The following ADCY2 variants were observed in gnomAD, a reference collection of about 807,000 sequenced individuals.
ADCY2 encodes adenylate cyclase 2.
In ADCY2, 31 loss-of-function variants were observed where a neutral mutation model predicts 125.2. The observed-to-expected ratio is 0.25, with a 90% CI of 0.19 to 0.33. The LOEUF (loss-of-function observed/expected upper bound fraction) is 0.33, where lower values mean the gene tolerates loss of function less well. Among genes scored for constraint, ADCY2 ranks in the 10% least tolerant of loss-of-function variants. ADCY2 has a pLI of 1.00. For synonymous variants in ADCY2, 512 were observed against 548.4 expected (o/e 0.93, Z 0.93); for missense variants, 904 against 1,418.2 (o/e 0.64, Z 5.82).
At chr5:7,710,159 G>A (rs1454829349) in intron 10 of ADCY2, among the ~76,000 whole-genome samples, 20 of 152,102 alleles carry the variant, frequency 1.3e-4, no homozygotes, top group Admixed American at 1.2e-3. Context: ...TTTTTCAGTC[G>A]CCCTGGGCCC....
At chr5:7,729,342 C>A (rs1218069356) in intron 14 of ADCY2, among the ~76,000 whole-genome samples, 1 of 152,118 alleles carries the variant, frequency 6.6e-6, no homozygotes, top group East Asian at 1.9e-4. Context: ...ATACAATTTT[C>A]CACCCTCTAG....
intron 11 of ADCY2, among the ~76,000 whole-genome samples, chr5:7,716,318 G>A (rs1334458438): frequency 6.6e-6 from 1 of 152,094 alleles, no homozygotes; most frequent in African/African-American, 2.4e-5. Context: ...AGTTGACCAA[G>A]GAAAACACGA....
At chr5:7,542,131 G>A (rs1007726619) in intron 3 of ADCY2, among the ~76,000 whole-genome samples, 1 of 152,146 alleles carries the variant, frequency 6.6e-6, no homozygotes, top group African/African-American at 2.4e-5. Context: ...AGTGGAAGAT[G>A]TAGAATCTGA....
chr5:7,807,230 T>C (rs149211926), intron 22 of ADCY2, among the ~76,000 whole-genome samples: 109 of 152,316 alleles, frequency 7.2e-4, no homozygotes, highest in African/African-American at 2.5e-3. Flanking sequence ...GACCCAGTCT[T>C]CTGGATGTTC....
chr5:7,819,104 A>T (rs1745213727), intron 23 of ADCY2, among the ~76,000 whole-genome samples: 1 of 152,142 alleles, frequency 6.6e-6, no homozygotes, highest in South Asian at 2.1e-4. Flanking sequence ...AGGTGAAGCC[A>T]GTCTAATCTC....
At chr5:7,515,944 C>T (rs1021868953) in intron 2 of ADCY2, among the ~76,000 whole-genome samples, 1 of 152,086 alleles carries the variant, frequency 6.6e-6, no homozygotes, top group Non-Finnish European at 1.5e-5. Context: ...GAGGGTTTTC[C>T]ATTTTGTGCA....
rs78338293 is a variant in ADCY2, at chr5:7,617,339, G to A, written c.571-8828G>A. Among the ~76,000 whole-genome samples, 61 of 152,282 alleles carry A rather than the reference G, an allele frequency of 4.0e-4. No individual in the cohort carries two copies. In the East Asian group the frequency reaches 6.6e-3, roughly 16 times the overall value. Reference sequence around the variant, plus strand: ...AAAATAGGCCAAGTCACAGCAAGAAGGCAGCCGTCTGCAAGCCAAGGAGAG... The same window carrying A: ...AAAATAGGCCAAGTCACAGCAAGAAAGCAGCCGTCTGCAAGCCAAGGAGAG... On this transcript the variant is annotated intron_variant, in intron 3 of 24. Transcript: ENST00000338316.
At chr5:7,439,167 G>C (rs1037671454) in intron 2 of ADCY2, among the ~76,000 whole-genome samples, 1 of 152,142 alleles carries the variant, frequency 6.6e-6, no homozygotes, top group Non-Finnish European at 1.5e-5. Flanking sequence ...TAAAGAAGTA[G>C]AGTGTATTAG....
At chr5:7,440,575 T>C (rs750139055) in intron 2 of ADCY2, among the ~76,000 whole-genome samples, 6 of 152,152 alleles carry the variant, frequency 3.9e-5, no homozygotes, top group Non-Finnish European at 8.8e-5. Context: ...CTGTCCCTTA[T>C]TCAGCCTAAT....
chr5:7,617,206 C>T (rs1404727022), intron 3 of ADCY2, among the ~76,000 whole-genome samples: 1 of 152,142 alleles, frequency 6.6e-6, no homozygotes, highest in African/African-American at 2.4e-5. Context: ...GGAATGAGAA[C>T]TGCCAACCCT....
intron 14 of ADCY2, among the ~76,000 whole-genome samples, chr5:7,729,837 A>T (rs943326249): frequency 6.7e-6 from 1 of 148,616 alleles, no homozygotes; most frequent in African/African-American, 2.4e-5. Context: ...AGAATAAAAT[A>T]TATAATTATT....
chr5:7,779,671 T>C (rs1743853511), intron 18 of ADCY2, among the ~76,000 whole-genome samples: 1 of 152,216 alleles, frequency 6.6e-6, no homozygotes, highest in Admixed American at 6.5e-5. Flanking sequence ...TTTGTGGTTC[T>C]GCTGCAGCAC....
chr5:7,807,179 G>A (rs115750502), intron 22 of ADCY2, among the ~76,000 whole-genome samples: 84 of 152,296 alleles, frequency 5.5e-4, no homozygotes, highest in African/African-American at 1.9e-3. Context: ...CCCAGGGTGC[G>A]TGTCTGCCTG....
chr5:7,574,257 G>C (rs1036072746), intron 3 of ADCY2, among the ~76,000 whole-genome samples: 22 of 149,082 alleles, frequency 1.5e-4, no homozygotes, highest in South Asian at 4.3e-4. Context: ...ATGATTTATA[G>C]TCATTTGGGT....
intron 3 of ADCY2, among the ~76,000 whole-genome samples, chr5:7,598,334 G>T (rs893026969): frequency 6.6e-6 from 1 of 152,144 alleles, no homozygotes; most frequent in Admixed American, 6.5e-5. Context: ...CCTAAATATG[G>T]ACTTCTAGAG....
Position 7,635,946 on chromosome 5 carries a change from G to A in ADCY2, c.720+9630G>A, listed in dbSNP as rs549283735. ...GGGTTTTTCCCATGTGCCTTTCATG[G>A]GATCCTTCTTTGACCTCACAGACAG... is the stretch of plus-strand genomic sequence containing the variant. On this transcript the variant is annotated intron_variant, in intron 4 of 24. Coordinates refer to ENST00000338316, the MANE Select transcript of ADCY2 (RefSeq NM_020546.3). Among the ~76,000 whole-genome samples, 14 of 152,298 alleles carry A rather than the reference G, an allele frequency of 9.2e-5. No individual in the cohort carries two copies. The South Asian group carries it at 2.7e-3, about 29-fold the overall frequency.
intron 20 of ADCY2, chr5:7,798,602 C>T (rs548736620): frequency 4.9e-5 from 6 of 121,404 alleles, no homozygotes; most frequent in Admixed American, 9.4e-5. Context: ...TTTTTTGAGA[C>T]GGAGTCTTGC....
At chr5:7,504,669 G>A (rs543965109) in intron 2 of ADCY2, among the ~76,000 whole-genome samples, 3 of 146,422 alleles carry the variant, frequency 2.0e-5, no homozygotes, top group African/African-American at 7.6e-5. Flanking sequence ...CTGGAGTGCA[G>A]TGGTGCGATC....
chr5:7,436,342 A>T (rs923015446), intron 2 of ADCY2, among the ~76,000 whole-genome samples: 1 of 152,238 alleles, frequency 6.6e-6, no homozygotes, highest in African/African-American at 2.4e-5. Context: ...CAATATCAAT[A>T]AAATAACCTA....
Sources: allele counts gnomAD v4.1 joint callset (sites outside exome capture counted in the v4.1 genomes callset), GRCh38; gene constraint gnomAD v4.1.1; transcripts MANE v1.5; gene names NCBI Gene and HGNC (gene_info 2026-07-23, HGNC 2026-07-21).